Variants in KIAA1217 observed in about 807,000 individuals in gnomAD.
KIAA1217 encodes sickle tail protein homolog.
KIAA1217 carries 88 observed loss-of-function variants against 163.9 expected under a neutral mutation model. That is an observed-to-expected ratio of 0.54 (90% CI 0.45 to 0.64). The LOEUF is 0.64. Among genes scored for constraint, KIAA1217 ranks in the 30% least tolerant of loss-of-function variants. The pLI is 0.00. For synonymous variants in KIAA1217, 903 were observed against 923.1 expected (o/e 0.98, Z 0.39); for missense variants, 2,372 against 2,475.0 (o/e 0.96, Z 0.88).
intron 1 of KIAA1217, among the ~76,000 whole-genome samples, chr10:23,995,927 C>T (rs1846460878): frequency 6.6e-6 from 1 of 152,148 alleles, no homozygotes; most frequent in South Asian, 2.1e-4. Context: ...GTCACTTCGC[C>T]TCTTGTTTCT....
At chr10:23,988,561 CCAAA>C (rs1329946789) in intron 1 of KIAA1217, among the ~76,000 whole-genome samples, 3 of 152,012 alleles carry the variant, frequency 2.0e-5, no homozygotes, top group Admixed American at 1.3e-4. Flanking sequence ...CAGAGAAAGA[CCAAA>C]CAAACAAATA....
At chr10:24,183,917 C>T (rs907443283) in intron 2 of KIAA1217, among the ~76,000 whole-genome samples, 1 of 152,162 alleles carries the variant, frequency 6.6e-6, no homozygotes, top group Non-Finnish European at 1.5e-5. Flanking sequence ...TAAATATCCC[C>T]AATTCCCTCA....
At chr10:24,319,582 G>C (rs2043868169) in intron 2 of KIAA1217, among the ~76,000 whole-genome samples, 1 of 152,134 alleles carries the variant, frequency 6.6e-6, no homozygotes, top group South Asian at 2.1e-4. Context: ...AGTTAGGAGA[G>C]GCCAAGGCCA....
intron 2 of KIAA1217, among the ~76,000 whole-genome samples, chr10:24,267,438 A>T (rs1268453072): frequency 2.6e-5 from 4 of 152,244 alleles, no homozygotes; most frequent in African/African-American, 9.6e-5. Context: ...GGAAAGAGCT[A>T]TCCATCTATC....
At chr10:24,097,008 T>C (rs745354221) in intron 2 of KIAA1217, among the ~76,000 whole-genome samples, 1 of 152,108 alleles carries the variant, frequency 6.6e-6, no homozygotes. Context: ...GTACAATACA[T>C]TGTATATAGG....
intron 1 of KIAA1217, among the ~76,000 whole-genome samples, chr10:23,923,609 G>A (rs4748914): frequency 0.02 from 2,959 of 149,464 alleles, 58 homozygotes; most frequent in Admixed American, 0.063. Context: ...GAGATGTGTC[G>A]GAAGAAGGAG....
chr10:24,496,749 T>G (rs1293913221), intron 8 of KIAA1217, among the ~76,000 whole-genome samples: 1 of 152,224 alleles, frequency 6.6e-6, no homozygotes, highest in African/African-American at 2.4e-5. Flanking sequence ...CCATTTGAAC[T>G]CCTTTTATGT....
At chr10:23,824,061 C>A (rs1837752967) in intron 1 of KIAA1217, among the ~76,000 whole-genome samples, 1 of 151,668 alleles carries the variant, frequency 6.6e-6, no homozygotes, top group Non-Finnish European at 1.5e-5. Flanking sequence ...AACTTGAGCC[C>A]AGGAGTTCAA....
intron 3 of KIAA1217, among the ~76,000 whole-genome samples, chr10:24,393,573 T>C (rs2055288333): frequency 6.6e-6 from 1 of 152,218 alleles, no homozygotes; most frequent in Non-Finnish European, 1.5e-5. Context: ...CAAATTCATA[T>C]GTTGAAGTCC....
chr10:24,094,903 G>A (rs4748927), intron 2 of KIAA1217, among the ~76,000 whole-genome samples: 59 of 152,240 alleles, frequency 3.9e-4, no homozygotes, highest in Admixed American at 8.5e-4. Flanking sequence ...CGAGCTTCCC[G>A]GCTGCTTTGT....
At chr10:24,505,989 A>G (rs2068294232) in intron 9 of KIAA1217, among the ~76,000 whole-genome samples, 1 of 152,096 alleles carries the variant, frequency 6.6e-6, no homozygotes, top group Non-Finnish European at 1.5e-5. Context: ...CCCATGTGCA[A>G]CAGACCCGTG....
At chr10:23,844,300 TA>T (rs1319272198) in intron 1 of KIAA1217, among the ~76,000 whole-genome samples, 1 of 152,120 alleles carries the variant, frequency 6.6e-6, no homozygotes, top group African/African-American at 2.4e-5. Flanking sequence ...TTATGCCTTT[TA>T]AAAAAATCCC....
chr10:24,290,133 C>T (rs530977377), intron 2 of KIAA1217, among the ~76,000 whole-genome samples: 2 of 152,066 alleles, frequency 1.3e-5, no homozygotes, highest in Non-Finnish European at 2.9e-5. Flanking sequence ...ACCAGGAGGT[C>T]AAAGAATCTG....
intron 1 of KIAA1217, among the ~76,000 whole-genome samples, chr10:23,890,892 T>C (rs1288383298): frequency 1.3e-5 from 2 of 151,976 alleles, no homozygotes; most frequent in Admixed American, 6.6e-5. Context: ...ATTTTGTCGG[T>C]TTTAGCTTAT....
chr10:24,212,498 G>A (rs754983751), intron 1 of KIAA1217, among the ~76,000 whole-genome samples: 3 of 152,098 alleles, frequency 2.0e-5, no homozygotes, highest in Non-Finnish European at 4.4e-5. Flanking sequence ...TGCCCCCCGA[G>A]GCAGTCCAGC....
intron 1 of KIAA1217, among the ~76,000 whole-genome samples, chr10:23,838,462 T>C (rs1006255417): frequency 3.6e-4 from 53 of 148,508 alleles, no homozygotes; most frequent in African/African-American, 1.4e-3. Flanking sequence ...CTTGTTTTCC[T>C]GTTTTTTTTT....
chr10:23,772,858 G>A lies in KIAA1217; in HGVS notation c.-321+77624G>A, dbSNP rs1259179343. Reference sequence around the variant, plus strand: ...CAAACTTTATACACAAACAAGGATCGCTTCTCGGCCTTTTGGCTGAGATCA... The same window carrying A: ...CAAACTTTATACACAAACAAGGATCACTTCTCGGCCTTTTGGCTGAGATCA... On this transcript the variant is annotated intron_variant, in intron 1 of 18. Transcript: ENST00000376462. 7.9e-5 allele frequency among the ~76,000 whole-genome samples: 12 copies of A among 152,096 alleles called. 1 individual carries two copies. The highest frequency in any genetic ancestry group is 1.2e-4 in the African/African-American group (5 of 41,404).
intron 8 of KIAA1217, among the ~76,000 whole-genome samples, chr10:24,496,015 C>A (rs1351104059): frequency 1.3e-5 from 2 of 152,214 alleles, no homozygotes; most frequent in African/African-American, 4.8e-5. Context: ...TCTTCCCTCT[C>A]ATCGGGTTAG....
intron 5 of KIAA1217, chr10:24,449,704 C>T (rs571300362): frequency 6.1e-6 from 6 of 985,234 alleles, no homozygotes; most frequent in South Asian, 4.7e-5. Flanking sequence ...GGGGTGGTTT[C>T]GAGGTCTCTG....
Sources: allele counts gnomAD v4.1 joint callset (sites outside exome capture counted in the v4.1 genomes callset), GRCh38; gene constraint gnomAD v4.1.1; transcripts MANE v1.5; gene names NCBI Gene and HGNC (gene_info 2026-07-23, HGNC 2026-07-21).